Variants in INPP1 observed in about 807,000 individuals in gnomAD.
INPP1 encodes inositol polyphosphate 1-phosphatase.
A neutral mutation model predicts 23.0 loss-of-function variants in INPP1; 18 were observed. The ratio of observed to expected loss-of-function variants is 0.78; its 90% confidence interval spans 0.54 to 1.16. The LOEUF is 1.16. INPP1 is among the 50% of genes most tolerant of loss of function. INPP1 has a pLI of 0.00. For synonymous variants in INPP1, 164 were observed against 176.3 expected (o/e 0.93, Z 0.55); for missense variants, 448 against 482.1 (o/e 0.93, Z 0.66).
chr2:190,364,875 A>T (rs1689614013), intron 4 of INPP1, among the ~76,000 whole-genome samples: 1 of 152,014 alleles, frequency 6.6e-6, no homozygotes, highest in African/African-American at 2.4e-5. Flanking sequence ...AAGTACTGGG[A>T]TTACAGGCAT....
At position 190,343,969 on chromosome 2, in the gene INPP1, GT is replaced by G. The variant is rs1281618610; in HGVS notation, c.-209+12del. The G allele has an allele frequency of 7.4e-6, 2 of 271,594 alleles. No homozygotes were observed. Among genetic ancestry groups the G allele is most frequent in the South Asian group, 3.1e-5 (1 of 32,306 alleles). The allele number at this position is 271,594 out of a possible 1,614,324, so 16.8% of individuals were successfully genotyped here. A position where few individuals can be genotyped will look rare whatever the true frequency, so the allele number is the denominator to read the frequency against. On this transcript the variant is annotated intron_variant, in intron 1 of 6. Coordinates refer to ENST00000392329, the MANE Select transcript of INPP1 (RefSeq NM_001128928.2). Reference sequence around the variant, plus strand: ...TCCTCATCCCCGGCTTAGGTAACACGTTTTCCTCCTTACGACACCCACCACA... The same window carrying G: ...TCCTCATCCCCGGCTTAGGTAACACGTTTCCTCCTTACGACACCCACCACA...
chr2:190,370,126 A>G (rs943120196), intron 6 of INPP1, among the ~76,000 whole-genome samples: 3 of 152,230 alleles, frequency 2.0e-5, no homozygotes, highest in Non-Finnish European at 4.4e-5. Context: ...TGCAGACATA[A>G]TCATGGCCTA....
intron 3 of INPP1, among the ~76,000 whole-genome samples, chr2:190,362,160 A>T (rs2067417): frequency 6.6e-6 from 1 of 151,996 alleles, no homozygotes; most frequent in African/African-American, 2.4e-5. Context: ...GCCTGAAAAT[A>T]AAAACAAAAT....
At chr2:190,358,621 AC>A (rs1689473219) in intron 2 of INPP1, among the ~76,000 whole-genome samples, 1 of 152,216 alleles carries the variant, frequency 6.6e-6, no homozygotes, top group Non-Finnish European at 1.5e-5. Flanking sequence ...GCCTTCTGTA[AC>A]CCTGAAGAAG....
intron 2 of INPP1, 63 bp from the exon 3 acceptor site, chr2:190,359,976 C>A: frequency 1.1e-6 from 1 of 895,416 alleles, no homozygotes; most frequent in Non-Finnish European, 1.7e-6. Context: ...GTTAGTAGTG[C>A]CAGAGGCACC....
Position 190,360,139 on chromosome 2 carries a change from G to A in INPP1, c.37G>A (p.Glu13Lys). The A allele has an allele frequency of 6.2e-7, 1 of 1,613,886 alleles. No homozygotes were observed. Among genetic ancestry groups the A allele is most frequent in the South Asian group, 1.1e-5 (1 of 91,060 alleles). ...DILRELLCVS[E>K]KAANIARACR... ...CCTCCGGGAGCTGCTCTGTGTCTCTGAGAAGGCTGCTAACATTGCCCGGGC... is the reference window on the plus strand; with the variant it reads ...CCTCCGGGAGCTGCTCTGTGTCTCTAAGAAGGCTGCTAACATTGCCCGGGC... The change falls in exon 3 of 7, where the codon GAG becomes AAG. Residue 13 changes from glutamate to lysine, a missense_variant. By Grantham distance (56) the Glu-to-Lys change is moderately conservative. Transcript: ENST00000392329.
Position 190,371,375 on chromosome 2 carries a change from C to T in INPP1, c.1173C>T (p.Asn391=). The change falls in exon 7 of 7, where the codon AAC becomes AAT. Residue 391 remains asparagine, a synonymous_variant. Transcript: ENST00000392329. This position sits in a 1 kb window ranked among gnomAD's most constrained non-coding sequence, Gnocchi z 5.3. The part of the protein sequence containing the change: ...LETFLSLLVQ[N]LAPAETHT ...CATTCCTGAGCCTCCTGGTCCAAAA[C>T]CTGGCACCTGCAGAGACGCATACCT... The T allele has an allele frequency of 1.1e-5, 17 of 1,531,996 alleles. No individual in the cohort carries two copies. Among genetic ancestry groups the T allele is most frequent in the South Asian group, 1.3e-5 (1 of 76,942 alleles). 94.9% of individuals were successfully genotyped at this position (1,531,996 alleles called of 1,614,324 possible).
At chr2:190,366,168 T>C (rs1689657224) in intron 4 of INPP1, among the ~76,000 whole-genome samples, 1 of 87,080 alleles carries the variant, frequency 1.1e-5, no homozygotes, top group African/African-American at 5.5e-5. Flanking sequence ...TCTCTCTCGC[T>C]CTTTGTCTCT....
At chr2:190,349,250 C>T (rs1689281621) in intron 2 of INPP1, among the ~76,000 whole-genome samples, 1 of 152,086 alleles carries the variant, frequency 6.6e-6, no homozygotes, top group South Asian at 2.1e-4. Context: ...CCAGCCTTGC[C>T]AACATGGTGA....
At position 190,354,946 on chromosome 2, in the gene INPP1, GCAT is replaced by G. The variant is rs1357947609; in HGVS notation, c.-64-5092_-64-5090del. ...TAGGGGTGTGTGTGTGTGTGTGTGT[GCAT>G]TTTTTTTTTTTTTGCTATATAATGT... On this transcript the variant is annotated intron_variant, in intron 2 of 6. Coordinates refer to ENST00000392329, the MANE Select transcript of INPP1 (RefSeq NM_001128928.2). This position sits in a 1 kb window ranked among gnomAD's most constrained non-coding sequence, Gnocchi z 4.8. Among the ~76,000 whole-genome samples the G allele has an allele frequency of 1.7e-5, 2 of 115,768 alleles. No homozygotes were observed. The highest frequency in any genetic ancestry group is 1.0e-4 in the African/African-American group (2 of 20,002). 75.9% of individuals were successfully genotyped at this position (115,768 alleles called of 152,430 possible). A position where few individuals can be genotyped will look rare whatever the true frequency, so the allele number is the denominator to read the frequency against.
In INPP1 at chr2:190,363,957, A is replaced by G. The variant is rs572900343; in HGVS notation, c.265+1270A>G. On this transcript the variant is annotated intron_variant, in intron 4 of 6. Transcript: ENST00000392329. This position sits in a 1 kb window ranked among gnomAD's most constrained non-coding sequence, Gnocchi z 4.4. Reference sequence around the variant, plus strand: ...GACCAGATCATAGGAAGGGATTTAGATTTCCCTCTCAGTGGGATGGGAGGT... The same window carrying G: ...GACCAGATCATAGGAAGGGATTTAGGTTTCCCTCTCAGTGGGATGGGAGGT... 1.3e-5 allele frequency among the ~76,000 whole-genome samples: 2 copies of G among 152,300 alleles called. No homozygotes were observed. Among genetic ancestry groups the G allele is most frequent in the South Asian group, 2.1e-4 (1 of 4,826 alleles).
intron 2 of INPP1, among the ~76,000 whole-genome samples, chr2:190,350,555 A>G (rs1371002026): frequency 6.6e-6 from 1 of 152,248 alleles, no homozygotes; most frequent in East Asian, 1.9e-4. Context: ...AACAAGGGAC[A>G]TCTTTGTAGC....
Position 190,366,780 on chromosome 2 carries a change from A to G in INPP1, c.351A>G (p.Ala117=). The change falls in exon 5 of 7, where the codon GCA becomes GCG. Residue 117 remains alanine, a synonymous_variant. Coordinates refer to ENST00000392329, the MANE Select transcript of INPP1 (RefSeq NM_001128928.2). ...AAGTCCTCAATGGTAACAAGGTGGC[A>G]TCTGAAGCATTAGCCAGGGTTGTTC... The part of the protein sequence containing the change: ...LSKVLNGNKV[A]SEALARVVHQ... The G allele has an allele frequency of 6.2e-7, 1 of 1,612,950 alleles. No individual in the cohort carries two copies. The highest frequency in any genetic ancestry group is 1.1e-5 in the South Asian group (1 of 91,058).
Position 190,366,691 on chromosome 2 carries a change from C to T in INPP1, c.266-4C>T. On this transcript the variant is annotated splice_polypyrimidine_tract_variant and splice_region_variant and intron_variant, in intron 4 of 6. Coordinates refer to ENST00000392329, the MANE Select transcript of INPP1 (RefSeq NM_001128928.2). ...TAATGGCTTATCGTGTGGCTTTACC[C>T]TAGGGGAAAAGATTACCTTGAGGTT... 2 of 1,606,768 alleles carry T rather than the reference C, an allele frequency of 1.2e-6. No homozygotes were observed. Among genetic ancestry groups the T allele is most frequent in the Non-Finnish European group, 1.7e-6 (2 of 1,173,402 alleles).
chr2:190,349,413 G>A (rs1689286264), intron 2 of INPP1, among the ~76,000 whole-genome samples: 1 of 152,164 alleles, frequency 6.6e-6, no homozygotes, highest in African/African-American at 2.4e-5. Flanking sequence ...CTCTAGCCTG[G>A]GTGATGGAAG....
At position 190,369,280 on chromosome 2, in the gene INPP1, A is replaced by G. The variant is rs751770359; in HGVS notation, c.641+3A>G. On this transcript the variant is annotated splice_donor_region_variant and intron_variant, in intron 6 of 6. Transcript: ENST00000392329. ...TCACGAGATCCAAACACCCTCAGGT[A>G]AAAGGCAAATATTTTTGGTATATTA... is the stretch of plus-strand genomic sequence containing the variant. 38 of 1,555,300 alleles carry G rather than the reference A, an allele frequency of 2.4e-5. No individual in the cohort carries two copies. The South Asian group carries it at 4.2e-4, about 17-fold the overall frequency.
At chr2:190,361,135 A>G (rs1435573745) in intron 3 of INPP1, among the ~76,000 whole-genome samples, 1 of 120,930 alleles carries the variant, frequency 8.3e-6, no homozygotes, top group Non-Finnish European at 1.6e-5. Flanking sequence ...GCAATGGGTG[A>G]AAAAAGGGAG....
chr2:190,352,919 G>C lies in INPP1; in HGVS notation c.-65+3888G>C, dbSNP rs565769109. Among the ~76,000 whole-genome samples the C allele has an allele frequency of 6.6e-6, 1 of 152,292 alleles. No homozygotes were observed. ...GCCCACCACGCAATAGCTTCAAATT[G>C]CCATTCCTCAGAAGATGAGAGCCAG... On this transcript the variant is annotated intron_variant, in intron 2 of 6. Coordinates refer to ENST00000392329, the MANE Select transcript of INPP1 (RefSeq NM_001128928.2). The surrounding 1 kb of genome is among the most constrained non-coding windows in gnomAD (Gnocchi z 4.7).
chr2:190,364,468 G>C (rs1489701494), intron 4 of INPP1, among the ~76,000 whole-genome samples: 1 of 151,708 alleles, frequency 6.6e-6, no homozygotes, highest in East Asian at 2.0e-4. Context: ...CGTGAACCCG[G>C]GAGGCGGAGC....
Sources: gnomAD v4.1 joint callset for allele counts (sites outside exome capture counted in the v4.1 genomes callset) on GRCh38, gnomAD v4.1.1 for gene constraint, Gnocchi (gnomAD v3.1) non-coding constraint, MANE v1.5 for transcripts, NCBI Gene and HGNC (gene_info 2026-07-23, HGNC 2026-07-21) for gene names.